NPAS3: variants seen among roughly 807,000 people sequenced by gnomAD.
The protein encoded by NPAS3 is neuronal PAS domain protein 3, also known as neuronal PAS domain-containing protein 3.
Under a neutral mutation model 73.1 loss-of-function variants are expected in NPAS3, and 14 were observed. The ratio of observed to expected loss-of-function variants is 0.19; its 90% CI spans 0.13 to 0.30. The LOEUF (loss-of-function observed/expected upper bound fraction) is 0.30. NPAS3 is among the 10% of genes least tolerant of loss of function. The pLI, the probability that NPAS3 is intolerant of heterozygous loss-of-function variation, is 1.00. For synonymous variants in NPAS3, 620 were observed against 541.5 expected, an observed-to-expected ratio of 1.14 and a Z score of -2.01; for missense variants, 1,096 against 1,250.0, an observed-to-expected ratio of 0.88 and a Z score of 1.86.
At chr14:33,540,878 C>T (rs1054577312) in intron 4 of NPAS3, among the ~76,000 whole-genome samples, 2 of 152,078 alleles carry the variant, frequency 1.3e-5, no homozygotes, top group African/African-American at 4.8e-5. Context: ...AGAAACCAGG[C>T]GTGGAAGTTG....
intron 2 of NPAS3, among the ~76,000 whole-genome samples, chr14:33,126,496 T>C (rs1828776808): frequency 6.6e-6 from 1 of 151,952 alleles, no homozygotes; most frequent in African/African-American, 2.4e-5. Flanking sequence ...GGGCTGGGGA[T>C]GGGAGATTGT....
At position 33,470,961 on chromosome 14, in the gene NPAS3, T is replaced by C. The variant is rs1216643570; in HGVS notation, c.469-89160T>C. Among the ~76,000 whole-genome samples the C allele has an allele frequency of 2.0e-5, 3 of 152,198 alleles. No homozygotes were observed. The East Asian group carries it at 5.8e-4, about 29-fold the overall frequency. ...AAAAAAAAAAAAAGAATGTTCTCTT[T>C]ATGAAGTGGATACCAACAATCTACA... On this transcript the variant is annotated intron_variant, in intron 4 of 11. Transcript: ENST00000356141.
intron 2 of NPAS3, among the ~76,000 whole-genome samples, chr14:33,131,436 G>GGTCTGGCTATTATCTCCTAAGA (rs71118529): frequency 2.6e-5 from 4 of 152,018 alleles, no homozygotes; most frequent in African/African-American, 9.7e-5. Flanking sequence ...ACTTCCACGT[G>GGTCTGGCTATTATCTCCTAAGA]GTTAAGCAGA....
chr14:33,191,805 C>T (rs1369284844), intron 2 of NPAS3, among the ~76,000 whole-genome samples: 1 of 152,188 alleles, frequency 6.6e-6, no homozygotes, highest in East Asian at 1.9e-4. Flanking sequence ...CAGATGGCCA[C>T]ACAAAGCAAC....
At chr14:33,663,918 A>G (rs2059380202) in intron 5 of NPAS3, among the ~76,000 whole-genome samples, 1 of 151,106 alleles carries the variant, frequency 6.6e-6, no homozygotes. Context: ...TGTCTATTTG[A>G]TTCTTCTCTC....
At chr14:33,025,621 T>C (rs1036363764) in intron 1 of NPAS3, among the ~76,000 whole-genome samples, 1 of 152,204 alleles carries the variant, frequency 6.6e-6, no homozygotes, top group South Asian at 2.1e-4. Flanking sequence ...GGGAGGGATC[T>C]GGTGGGAGGT....
At chr14:33,091,643 C>A (rs537914366) in intron 2 of NPAS3, among the ~76,000 whole-genome samples, 1 of 152,180 alleles carries the variant, frequency 6.6e-6, no homozygotes, top group African/African-American at 2.4e-5. Flanking sequence ...CATCCTGATA[C>A]CAAAGCCTGG....
intron 2 of NPAS3, among the ~76,000 whole-genome samples, chr14:33,067,497 C>T (rs1411569608): frequency 1.3e-5 from 2 of 152,204 alleles, no homozygotes; most frequent in African/African-American, 2.4e-5. Context: ...CTCTAGTTTT[C>T]TATTTTCAAA....
intron 5 of NPAS3, among the ~76,000 whole-genome samples, chr14:33,628,233 T>C (rs1197716127): frequency 6.6e-6 from 1 of 152,220 alleles, no homozygotes; most frequent in Non-Finnish European, 1.5e-5. Context: ...GAGATCTGCT[T>C]ATAAGCATTC....
exon 2 of NPAS3, chr14:33,055,966 G>A (rs868716514): frequency 9.9e-6 from 8 of 810,132 alleles, no homozygotes; most frequent in South Asian, 2.9e-5. Flanking sequence ...CAGATATGAC[G>A]GAATCTACTG....
At chr14:33,032,531 A>C (rs2040029580) in intron 1 of NPAS3, among the ~76,000 whole-genome samples, 1 of 152,170 alleles carries the variant, frequency 6.6e-6, no homozygotes, top group Non-Finnish European at 1.5e-5. Flanking sequence ...TCTTGCTCCA[A>C]GGCTTTCTCT....
chr14:33,419,598 G>A (rs1204613308), intron 4 of NPAS3, among the ~76,000 whole-genome samples: 2 of 151,852 alleles, frequency 1.3e-5, no homozygotes, highest in Admixed American at 1.3e-4. Flanking sequence ...CTTGTTTAGT[G>A]ACCATGAATG....
intron 5 of NPAS3, among the ~76,000 whole-genome samples, chr14:33,674,931 G>T (rs1448477454): frequency 6.6e-6 from 1 of 152,174 alleles, no homozygotes; most frequent in Non-Finnish European, 1.5e-5. Flanking sequence ...GAGTATTACA[G>T]TCTCTGTGAC....
At chr14:32,983,219 A>G (rs1336280234) in intron 1 of NPAS3, among the ~76,000 whole-genome samples, 1 of 152,168 alleles carries the variant, frequency 6.6e-6, no homozygotes, top group East Asian at 1.9e-4. Context: ...TGTCTTTATT[A>G]GAGTATTTTG....
At chr14:33,303,627 C>T (rs2042640738) in intron 3 of NPAS3, among the ~76,000 whole-genome samples, 1 of 152,066 alleles carries the variant, frequency 6.6e-6, no homozygotes, top group Non-Finnish European at 1.5e-5. Context: ...ATAGATTCTT[C>T]TAAAATTATG....
intron 1 of NPAS3, among the ~76,000 whole-genome samples, chr14:32,950,402 A>G (rs558175989): frequency 6.6e-6 from 1 of 152,254 alleles, no homozygotes; most frequent in African/African-American, 2.4e-5. Flanking sequence ...CAGAAGCATT[A>G]TAAAGGCATA....
intron 3 of NPAS3, among the ~76,000 whole-genome samples, chr14:33,293,963 G>A (rs2042196168): frequency 6.6e-6 from 1 of 152,190 alleles, no homozygotes; most frequent in African/African-American, 2.4e-5. Flanking sequence ...AATAGTGTAG[G>A]CAACCTGCTG....
rs967870068 is a variant in NPAS3, at chr14:33,693,482, GGT to G, written c.733+17098_733+17099del. Among the ~76,000 whole-genome samples, 44 of 152,196 alleles carry G rather than the reference GGT, an allele frequency of 2.9e-4. 1 individual carries two copies. The highest frequency in any genetic ancestry group is 2.7e-3 in the Admixed American group (41 of 15,276). On this transcript the variant is annotated intron_variant, in intron 6 of 11. Transcript: ENST00000356141. ...TGTGTTTACATGATCCCGTCAATGTGGTAAATTCAGTGAAATAACTAGTCACT... is the reference window on the plus strand; with the variant it reads ...TGTGTTTACATGATCCCGTCAATGTGAAATTCAGTGAAATAACTAGTCACT...
chr14:33,616,011 C>G (rs1595284383), intron 5 of NPAS3, among the ~76,000 whole-genome samples: 2 of 152,208 alleles, frequency 1.3e-5, no homozygotes, highest in East Asian at 1.9e-4. Context: ...TACAAGGCAG[C>G]CATAGTGCAA....
Sources: gnomAD v4.1 joint callset for allele counts (sites outside exome capture counted in the v4.1 genomes callset) on GRCh38, gnomAD v4.1.1 for gene constraint, MANE v1.5 for transcripts, NCBI Gene and HGNC (gene_info 2026-07-23, HGNC 2026-07-21) for gene names.